The following CA9 variants were observed in gnomAD, a reference collection of about 807,000 sequenced individuals.
CA9 encodes CA-IX.
Under a neutral mutation model 51.8 loss-of-function variants are expected in CA9, and 43 were observed. The observed-to-expected ratio is 0.83, with a 90% CI of 0.65 to 1.07. The LOEUF (loss-of-function observed/expected upper bound fraction) is 1.07, where lower values mean the gene tolerates loss of function less well. CA9 is among the 50% of genes least tolerant of loss of function. The pLI is 0.00. For missense variants in CA9, 574 were observed against 581.4 expected (o/e 0.99, Z 0.13); for synonymous variants, 253 against 244.2 (o/e 1.04, Z -0.34).
At chr9:35,677,268 C>A (rs1002542657) in intron 5 of CA9, among the ~76,000 whole-genome samples, 1 of 152,054 alleles carries the variant, frequency 6.6e-6, no homozygotes, top group Non-Finnish European at 1.5e-5. Context: ...ACATTAGGTT[C>A]ATAAGCAAAA....
In CA9 at chr9:35,674,014, C is replaced by T; in HGVS notation, c.55C>T (p.Pro19Ser). 6.2e-7 allele frequency: 1 copy of T among 1,613,858 alleles called. No homozygotes were observed. The highest frequency in any genetic ancestry group is 1.3e-5 in the African/African-American group (1 of 75,050). The stretch of plus-strand genomic sequence containing the variant: ...CCCTCTGTTGATCCCGGCCCCTGCT[C>T]CAGGCCTCACTGTGCAACTGCTGCT... The part of the protein sequence containing the change: ...WLPLLIPAPA[P>S]GLTVQLLLSL... Residue 19 changes from proline (P) to serine (S), a missense_variant, in exon 1 of 11, where the codon CCA (proline) becomes TCA (serine). Pro to Ser is a moderately conservative substitution (Grantham distance 74). Coordinates refer to ENST00000378357, the MANE Select transcript of CA9 (RefSeq NM_001216.3).
intron 1 of CA9, chr9:35,675,294 T>G (rs949267290): frequency 6.0e-5 from 35 of 581,958 alleles, no homozygotes; most frequent in Non-Finnish European, 1.0e-4. Context: ...GCGCCTGGCC[T>G]GAAGCAGCCA....
At chr9:35,678,969 TTTC>T (rs1158932095) in intron 6 of CA9, among the ~76,000 whole-genome samples, 1 of 152,160 alleles carries the variant, frequency 6.6e-6, no homozygotes, top group East Asian at 1.9e-4. Flanking sequence ...CCTTCCTTTC[TTTC>T]TTCCTCTCTT....
chr9:35,678,690 C>CTT (rs1824471846), intron 6 of CA9, among the ~76,000 whole-genome samples: 1 of 144,162 alleles, frequency 6.9e-6, no homozygotes, highest in African/African-American at 2.6e-5. Flanking sequence ...ATCATTTTTT[C>CTT]TTTTCTTTTC....
intron 5 of CA9, among the ~76,000 whole-genome samples, chr9:35,676,963 C>T (rs1314938615): frequency 6.6e-6 from 1 of 152,204 alleles, no homozygotes; most frequent in Non-Finnish European, 1.5e-5. Flanking sequence ...AGGGATTCTC[C>T]TGCCTCAGCT....
Position 35,674,074 on chromosome 9 carries a change from A to C in CA9, c.115A>C (p.Arg39=). The change falls in exon 1 of 11, where the codon AGG becomes CGG. Residue 39 remains arginine, a synonymous_variant. Transcript: ENST00000378357. The stretch of plus-strand genomic sequence containing the variant: ...GCTTCTGGTGCCTGTCCATCCCCAG[A>C]GGTTGCCCCGGATGCAGGAGGATTC... ...LLLLVPVHPQ[R]LPRMQEDSPL... 6.2e-7 allele frequency: 1 copy of C among 1,614,110 alleles called. No homozygotes were observed. The highest frequency in any genetic ancestry group is 8.5e-7 in the Non-Finnish European group (1 of 1,180,008).
At chr9:35,674,621 GAA>G in intron 1 of CA9, 1 of 415,080 alleles carries the variant, frequency 2.4e-6, no homozygotes, top group South Asian at 4.8e-5. Context: ...CTGGAGAAGA[GAA>G]AGGGATGAGA....
intron 6 of CA9, among the ~76,000 whole-genome samples, chr9:35,678,722 T>C: frequency 6.7e-6 from 1 of 149,642 alleles, no homozygotes; most frequent in South Asian, 2.1e-4. Context: ...TTTTACATCT[T>C]TAGTAGAGAC....
intron 6 of CA9, 36 bp from the exon 7 acceptor site, chr9:35,679,149 A>G (rs1436558950): frequency 6.2e-7 from 1 of 1,612,678 alleles, no homozygotes; most frequent in African/African-American, 1.3e-5. Context: ...AGGGGGTGCA[A>G]TGTAGATGAG....
intron 5 of CA9, 58 bp from the exon 6 acceptor site, chr9:35,677,732 G>A: frequency 7.2e-7 from 1 of 1,382,500 alleles, no homozygotes; most frequent in Non-Finnish European, 1.0e-6. Flanking sequence ...TCATGTTCCG[G>A]CCTTCAGCCA....
chr9:35,679,152 T>C, intron 6 of CA9, 33 bp from the exon 7 acceptor site: 1 of 1,613,026 alleles, frequency 6.2e-7, no homozygotes, highest in Non-Finnish European at 8.5e-7. Flanking sequence ...GGGTGCAATG[T>C]AGATGAGACC....
chr9:35,679,839 C>T lies in CA9; in HGVS notation c.1066-15C>T, dbSNP rs1375813854. On this transcript the variant is annotated splice_polypyrimidine_tract_variant and intron_variant, in intron 7 of 10. Coordinates refer to ENST00000378357, the MANE Select transcript of CA9 (RefSeq NM_001216.3). Reference sequence around the variant, plus strand: ...ATGCCATGAACCCACCCACACTGTCCACTGACCTCCCTAGCTCCACACCCT... The same window carrying T: ...ATGCCATGAACCCACCCACACTGTCTACTGACCTCCCTAGCTCCACACCCT... 13 of 1,585,816 alleles carry T rather than the reference C, an allele frequency of 8.2e-6. No homozygotes were observed. The highest frequency in any genetic ancestry group is 2.2e-5 in the East Asian group (1 of 44,674).
At chr9:35,674,988 CTTTT>C (rs551485462) in intron 1 of CA9, 8 of 133,012 alleles carry the variant, frequency 6.0e-5, no homozygotes, top group South Asian at 2.3e-4. Context: ...TGCCCACTCA[CTTTT>C]TTTTTTTTTT....
chr9:35,679,064 C>A, intron 6 of CA9, 121 bp from the exon 7 acceptor site: 1 of 1,036,776 alleles, frequency 9.6e-7, no homozygotes, highest in East Asian at 2.4e-5. Flanking sequence ...CTGCACTTAG[C>A]GAAGAAGTGG....
At chr9:35,678,454 C>CAG (rs1824467630) in intron 6 of CA9, among the ~76,000 whole-genome samples, 1 of 151,078 alleles carries the variant, frequency 6.6e-6, no homozygotes, top group African/African-American at 2.4e-5. Context: ...GAGAGCTAAA[C>CAG]TTTTTCTGAG....
Position 35,675,929 on chromosome 9 carries a change from G to C in CA9, c.602G>C (p.Ser201Thr). The C allele has an allele frequency of 6.2e-7, 1 of 1,603,504 alleles. No homozygotes were observed. The highest frequency in any genetic ancestry group is 8.5e-7 in the Non-Finnish European group (1 of 1,175,266). Residue 201 changes from serine (S) to threonine (T), a missense_variant and splice_region_variant, in exon 3 of 11, where the codon AGT (serine) becomes ACT (threonine). Ser to Thr is a moderately conservative substitution (Grantham distance 58). Transcript: ENST00000378357. Reference sequence around the variant, plus strand: ...CTGCGCCTGCGCAACAATGGCCACAGTGGTGAGGGGGTCTCCCCGCCGAGA... The same window carrying C: ...CTGCGCCTGCGCAACAATGGCCACACTGGTGAGGGGGTCTCCCCGCCGAGA... Reference protein sequence around the residue: ...PELRLRNNGHSVQLTLPPGLE... With the variant: ...PELRLRNNGHTVQLTLPPGLE...
At position 35,681,054 on chromosome 9, in the gene CA9, C is replaced by CA. The variant is rs749800984; in HGVS notation, c.*30dup. ...CTGGATCTTGGAGAATGTGAGAAGC[C>CA]AGCCAGAGGCATCTGAGGGGGAGCC... On this transcript the variant is annotated 3_prime_UTR_variant, in exon 11 of 11. Coordinates refer to ENST00000378357, the MANE Select transcript of CA9 (RefSeq NM_001216.3). 20 of 1,604,978 alleles carry CA rather than the reference C, an allele frequency of 1.2e-5. No homozygotes were observed. The South Asian group carries it at 2.1e-4, about 17-fold the overall frequency.
rs749426455 is a variant in CA9, at chr9:35,679,172, A to G, written c.908-13A>G. ...CAATGTAGATGAGACCCCAACATAG[A>G]TCCTCTTCACAGGCTCAGAGACTCA... On this transcript the variant is annotated splice_polypyrimidine_tract_variant and intron_variant, in intron 6 of 10. Coordinates refer to ENST00000378357, the MANE Select transcript of CA9 (RefSeq NM_001216.3). The G allele has an allele frequency of 6.2e-7, 1 of 1,613,858 alleles. No homozygotes were observed. Among genetic ancestry groups the G allele is most frequent in the South Asian group, 1.1e-5 (1 of 91,066 alleles).
intron 6 of CA9, among the ~76,000 whole-genome samples, chr9:35,678,945 A>C: frequency 6.7e-6 from 1 of 148,550 alleles, no homozygotes. Context: ...CTTCCCTCCC[A>C]CCTTCCCTTC....
Sources: allele counts gnomAD v4.1 joint callset (sites outside exome capture counted in the v4.1 genomes callset), GRCh38; gene constraint gnomAD v4.1.1; transcripts MANE v1.5; gene names NCBI Gene and HGNC (gene_info 2026-07-23, HGNC 2026-07-21).